Variants in CRLF3 observed in about 807,000 individuals in gnomAD.
CRLF3 encodes the protein cytokine receptor like factor 3.
In CRLF3, 33 loss-of-function variants were observed where a neutral mutation model predicts 55.0. The observed-to-expected ratio is 0.60, with a 90% CI of 0.46 to 0.80. The LOEUF (loss-of-function observed/expected upper bound fraction) is 0.80. Ranked by LOEUF, CRLF3 falls within the 30% of genes least tolerant of loss-of-function variation. The pLI is 0.00. For missense variants in CRLF3, 494 were observed against 538.4 expected (o/e 0.92, Z 0.82); for synonymous variants, 238 against 196.8 (o/e 1.21, Z -1.75).
Position 30,792,639 on chromosome 17 carries a change from T to G in CRLF3, c.827-67A>C, listed in dbSNP as rs537608463. 1.3e-5 allele frequency: 18 copies of G among 1,431,890 alleles called. No individual in the cohort carries two copies. In the Admixed American group the frequency reaches 2.3e-4, roughly 19 times the overall value. 88.7% of individuals were successfully genotyped at this position (1,431,890 alleles called of 1,614,324 possible). On this transcript the variant is annotated intron_variant, in intron 5 of 7. Coordinates refer to ENST00000324238, the MANE Select transcript of CRLF3 (RefSeq NM_015986.4). ...GAGGGATATCTTCAATACAGACACG[T>G]TAAATAAAACATGGAAATGGGAGAC...
intron 4 of CRLF3, among the ~76,000 whole-genome samples, chr17:30,795,211 T>G (rs2142254554): frequency 6.6e-6 from 1 of 152,302 alleles, no homozygotes; most frequent in Non-Finnish European, 1.5e-5. Context: ...CTGGGCACAG[T>G]GGCTCACACC....
In CRLF3 at chr17:30,796,362, ATGAGACCTCTAAC is replaced by A. The variant is rs1186349103; in HGVS notation, c.426-38_426-26del. 4.4e-6 allele frequency: 7 copies of A among 1,575,796 alleles called. No homozygotes were observed. In the East Asian group the frequency reaches 1.6e-4, roughly 36 times the overall value. ...GCTGAGGAAACAAAGCTCATGTGTT[ATGAGACCTCTAAC>A]TGAGAGTTAAAAAATACAAGAAATA... On this transcript the variant is annotated intron_variant, in intron 3 of 7. Transcript: ENST00000324238.
intron 6 of CRLF3, among the ~76,000 whole-genome samples, chr17:30,788,600 T>TTC (rs1971707977): frequency 2.0e-5 from 1 of 50,428 alleles, no homozygotes; most frequent in African/African-American, 1.9e-4. Flanking sequence ...TAGTGCCTTC[T>TTC]TTTTTTTTTT....
intron 4 of CRLF3, among the ~76,000 whole-genome samples, chr17:30,795,169 GAAAA>G (rs536610685): frequency 3.6e-4 from 55 of 151,450 alleles, no homozygotes; most frequent in Non-Finnish European, 2.1e-4. Flanking sequence ...TATAAAAAAA[GAAAA>G]AAAAATTTCC....
At chr17:30,802,771 G>A (rs1311041279) in intron 2 of CRLF3, among the ~76,000 whole-genome samples, 2 of 151,972 alleles carry the variant, frequency 1.3e-5, no homozygotes, top group Non-Finnish European at 2.9e-5. Context: ...GAAGGAAGGT[G>A]GTATAATGAA....
chr17:30,808,978 T>C (rs943621269), intron 1 of CRLF3, among the ~76,000 whole-genome samples: 7 of 152,244 alleles, frequency 4.6e-5, no homozygotes, highest in Admixed American at 2.0e-4. Flanking sequence ...GTCAGAACGC[T>C]GTAATACATT....
At position 30,792,550 on chromosome 17, in the gene CRLF3, C is replaced by G. The variant is rs755077496; in HGVS notation, c.849G>C (p.Gly283=). The G allele has an allele frequency of 2.5e-6, 4 of 1,603,152 alleles. No individual in the cohort carries two copies. In the Admixed American group the frequency reaches 6.7e-5, roughly 27 times the overall value. Reference sequence around the variant, plus strand: ...TATTTCTTCGACTGCTCAGACTGTACCCCTCAAAACCAGCTGTCCACTCTT... The same window carrying G: ...TATTTCTTCGACTGCTCAGACTGTAGCCCTCAAAACCAGCTGTCCACTCTT... The part of the protein sequence containing the change: ...VPHEWTAGFE[G]YSLSSRRNIA... Residue 283 remains glycine, a synonymous_variant, in exon 6 of 8, where the codon GGG becomes GGC. Coordinates refer to ENST00000324238, the MANE Select transcript of CRLF3 (RefSeq NM_015986.4).
At chr17:30,797,284 A>C (rs1241095713) in intron 3 of CRLF3, 27 bp downstream of exon 3, 2 of 1,511,446 alleles carry the variant, frequency 1.3e-6, no homozygotes, top group Admixed American at 3.3e-5. Context: ...GCTTAAAAGT[A>C]AGTCAAAAAG....
chr17:30,794,239 T>C (rs1191411777), intron 4 of CRLF3, among the ~76,000 whole-genome samples: 1 of 152,064 alleles, frequency 6.6e-6, no homozygotes, highest in Non-Finnish European at 1.5e-5. Flanking sequence ...ATGCCAAAGA[T>C]AAAACATTCA....
At chr17:30,805,564 A>G (rs2142263505) in intron 1 of CRLF3, among the ~76,000 whole-genome samples, 1 of 152,106 alleles carries the variant, frequency 6.6e-6, no homozygotes, top group East Asian at 1.9e-4. Flanking sequence ...ACACAAAAAA[A>G]TTAGCTGAGT....
At position 30,794,273 on chromosome 17, in the gene CRLF3, C is replaced by G. The variant is rs113392689; in HGVS notation, c.604-601G>C. ...CAAGATTCAGTAAGTCTCCCACAAC[C>G]ATACATCATTCATAATAACCAAGAG... On this transcript the variant is annotated intron_variant, in intron 4 of 7. Transcript: ENST00000324238. 1.5e-3 allele frequency among the ~76,000 whole-genome samples: 228 copies of G among 152,178 alleles called. 1 individual carries two copies. Among genetic ancestry groups the G allele is most frequent in the African/African-American group, 5.0e-3 (209 of 41,518 alleles).
At chr17:30,788,655 T>G (rs997882881) in intron 6 of CRLF3, among the ~76,000 whole-genome samples, 1 of 136,236 alleles carries the variant, frequency 7.3e-6, no homozygotes, top group African/African-American at 2.8e-5. Flanking sequence ...TTGCCCCGGC[T>G]AGAGTACAGT....
At chr17:30,803,662 G>GA in intron 2 of CRLF3, 1 of 481,972 alleles carries the variant, frequency 2.1e-6, no homozygotes, top group Admixed American at 3.6e-5. Flanking sequence ...TAACTCTCAT[G>GA]AGATCTAATG....
intron 6 of CRLF3, among the ~76,000 whole-genome samples, chr17:30,792,084 G>A (rs889780608): frequency 1.3e-5 from 2 of 152,278 alleles, no homozygotes; most frequent in African/African-American, 4.8e-5. Flanking sequence ...CCGACCTCAG[G>A]TGATCCACCT....
intron 4 of CRLF3, among the ~76,000 whole-genome samples, chr17:30,794,471 G>T (rs1971873958): frequency 6.6e-6 from 1 of 152,014 alleles, no homozygotes; most frequent in Non-Finnish European, 1.5e-5. Context: ...AACCTAATTT[G>T]TACCTAATTT....
intron 7 of CRLF3, 118 bp downstream of exon 7, chr17:30,785,797 GAAAA>G (rs918280318): frequency 2.1e-6 from 1 of 474,718 alleles, no homozygotes; most frequent in African/African-American, 2.1e-5. Flanking sequence ...AAAAAAAAAA[GAAAA>G]AGAAAAATAC....
In CRLF3 at chr17:30,784,025, G is replaced by GCTA. The variant is rs1384027995; in HGVS notation, c.*161_*162insTAG. The GCTA allele has an allele frequency of 1.6e-6, 1 of 610,128 alleles. No homozygotes were observed. Among genetic ancestry groups the GCTA allele is most frequent in the Non-Finnish European group, 2.8e-6 (1 of 352,348 alleles). 37.8% of individuals were successfully genotyped at this position (610,128 alleles called of 1,614,324 possible). On this transcript the variant is annotated 3_prime_UTR_variant, in exon 8 of 8. Coordinates refer to ENST00000324238, the MANE Select transcript of CRLF3 (RefSeq NM_015986.4). Reference sequence around the variant, plus strand: ...ATTGTATGATTTTGTCCACAACATTGAAGTCTCTTTTTGCTAAAATATTAC... The same window carrying GCTA: ...ATTGTATGATTTTGTCCACAACATTGCTAAAGTCTCTTTTTGCTAAAATATTAC...
At chr17:30,818,662 C>T (rs1437521486) in intron 1 of CRLF3, among the ~76,000 whole-genome samples, 1 of 151,674 alleles carries the variant, frequency 6.6e-6, no homozygotes, top group African/African-American at 2.4e-5. Flanking sequence ...TCGTATGGGT[C>T]AGGCTTGTCT....
intron 2 of CRLF3, chr17:30,803,672 G>A (rs1972040758): frequency 2.0e-6 from 1 of 512,562 alleles, no homozygotes; most frequent in Non-Finnish European, 3.5e-6. Flanking sequence ...GAGATCTAAT[G>A]GTATTTTAAG....
Sources: allele counts gnomAD v4.1 joint callset (sites outside exome capture counted in the v4.1 genomes callset), GRCh38; gene constraint gnomAD v4.1.1; transcripts MANE v1.5; gene names NCBI Gene and HGNC (gene_info 2026-07-23, HGNC 2026-07-21).